DPP10: variants seen among roughly 807,000 people sequenced by gnomAD.
DPP10 encodes the protein inactive dipeptidyl peptidase 10.
A neutral mutation model predicts 120.9 loss-of-function variants in DPP10; 33 were observed. That is an observed-to-expected ratio of 0.27 (90% confidence interval 0.21 to 0.37). The LOEUF is 0.37. Among genes scored for constraint, DPP10 ranks in the 10% least tolerant of loss-of-function variants. The pLI is 1.00. For synonymous variants in DPP10, 337 were observed against 326.1 expected (o/e 1.03, Z -0.36); for missense variants, 816 against 942.8 (o/e 0.87, Z 1.76).
rs570063164 is a variant in DPP10 at position 114,461,296 on chromosome 2, T to C, written c.60+18458T>C. ...ACAGCCCCCAGTTTCTTAATGAGCT[T>C]GCCTCATTGCTGAGTGAGCAAAACA... is the stretch of plus-strand genomic sequence containing the variant. On this transcript the variant is annotated intron_variant, in intron 1 of 25. Transcript: ENST00000410059. Among the ~76,000 whole-genome samples the C allele has an allele frequency of 5.9e-5, 9 of 152,320 alleles. No homozygotes were observed. In the South Asian group the frequency reaches 1.9e-3, roughly 32 times the overall value.
At chr2:114,547,672 C>T (rs1336520388) in intron 1 of DPP10, among the ~76,000 whole-genome samples, 2 of 152,146 alleles carry the variant, frequency 1.3e-5, no homozygotes, top group Admixed American at 1.3e-4. Flanking sequence ...TGGATGTGTA[C>T]TTATGCATAT....
intron 1 of DPP10, among the ~76,000 whole-genome samples, chr2:115,258,499 T>C (rs2059107445): frequency 1.3e-5 from 2 of 152,184 alleles, no homozygotes; most frequent in Middle Eastern, 3.4e-3. Flanking sequence ...AAAAAATCTT[T>C]AAAATGTTGT....
At chr2:115,230,772 A>G (rs75357605) in intron 1 of DPP10, among the ~76,000 whole-genome samples, 2,338 of 152,148 alleles carry the variant, frequency 0.015, 57 homozygotes, top group African/African-American at 0.053. Flanking sequence ...ATTGGAAACA[A>G]CAGACACGTA....
intron 1 of DPP10, among the ~76,000 whole-genome samples, chr2:114,793,793 C>G (rs1017123699): frequency 1.6e-4 from 24 of 152,132 alleles, no homozygotes; most frequent in Admixed American, 1.2e-3. Context: ...ACCATGTTGA[C>G]CCCCTCATTC....
intron 3 of DPP10, among the ~76,000 whole-genome samples, chr2:115,439,628 G>A (rs570070191): frequency 6.6e-6 from 1 of 152,242 alleles, no homozygotes; most frequent in South Asian, 2.1e-4. Flanking sequence ...TAGGTTATTT[G>A]GAGCTGAAGA....
At chr2:115,111,323 T>C (rs1487047068) in intron 1 of DPP10, among the ~76,000 whole-genome samples, 1 of 152,022 alleles carries the variant, frequency 6.6e-6, no homozygotes, top group African/African-American at 2.4e-5. Context: ...CAAAGATTTG[T>C]GTTCAGGAAA....
intron 1 of DPP10, among the ~76,000 whole-genome samples, chr2:115,286,497 T>TATATTAC (rs1214243875): frequency 0.023 from 1,761 of 78,146 alleles, 110 homozygotes; most frequent in East Asian, 0.11. Context: ...ATATAATATA[T>TATATTAC]ATATATTACA....
At chr2:114,899,832 T>C (rs931413207) in intron 1 of DPP10, among the ~76,000 whole-genome samples, 8 of 151,256 alleles carry the variant, frequency 5.3e-5, no homozygotes, top group Non-Finnish European at 1.0e-4. Context: ...TGGTGGCGGG[T>C]GCCTGTGGTC....
intron 3 of DPP10, among the ~76,000 whole-genome samples, chr2:115,483,214 C>A (rs1189112633): frequency 6.6e-6 from 1 of 151,970 alleles, no homozygotes; most frequent in Non-Finnish European, 1.5e-5. Context: ...GTGGAAGGTA[C>A]TTCATTTTTA....
At chr2:114,880,380 C>T (rs1242714676) in intron 1 of DPP10, among the ~76,000 whole-genome samples, 2 of 152,118 alleles carry the variant, frequency 1.3e-5, no homozygotes, top group Non-Finnish European at 2.9e-5. Context: ...AAAAAATATT[C>T]ATTAACAAAG....
intron 5 of DPP10, among the ~76,000 whole-genome samples, chr2:115,598,983 A>G (rs1575293425): frequency 6.6e-6 from 1 of 151,982 alleles, no homozygotes; most frequent in South Asian, 2.1e-4. Flanking sequence ...TTACCTCTGT[A>G]AAGGTTTCTT....
At chr2:115,066,568 T>C (rs1002696931) in intron 1 of DPP10, 3 of 152,124 alleles carry the variant, frequency 2.0e-5, no homozygotes, top group African/African-American at 7.2e-5. Flanking sequence ...TGTAAAGCAA[T>C]GGTAACAACA....
At chr2:115,488,880 T>TAAAAAAA (rs35020299) in intron 3 of DPP10, among the ~76,000 whole-genome samples, 33 of 126,278 alleles carry the variant, frequency 2.6e-4, no homozygotes, top group East Asian at 4.4e-4. Context: ...TAGAGTATAA[T>TAAAAAAA]AAAAAAAAAA....
chr2:115,169,603 G>A (rs1259840906), intron 1 of DPP10, among the ~76,000 whole-genome samples: 1 of 152,130 alleles, frequency 6.6e-6, no homozygotes, highest in Non-Finnish European at 1.5e-5. Flanking sequence ...TGTTTGATAT[G>A]TTCATGGTTT....
intron 5 of DPP10, among the ~76,000 whole-genome samples, chr2:115,634,783 A>C (rs988333106): frequency 6.6e-6 from 1 of 152,138 alleles, no homozygotes; most frequent in Non-Finnish European, 1.5e-5. Flanking sequence ...ACTTGTCTAG[A>C]CTGCCCAGAT....
chr2:114,714,262 C>A (rs1051891433), intron 1 of DPP10, among the ~76,000 whole-genome samples: 2 of 151,894 alleles, frequency 1.3e-5, no homozygotes, highest in East Asian at 3.9e-4. Flanking sequence ...ATAGTGGCAG[C>A]CAAAGTTTTT....
Position 115,734,302 on chromosome 2 carries a change from A to C in DPP10, c.698-5437A>C, listed in dbSNP as rs904079986. On this transcript the variant is annotated intron_variant, in intron 8 of 25. Transcript: ENST00000410059. ...CTACGACAGAACCTGTTTCTTAGAA[A>C]TCTAGAGTATTGATTTTAGCCAACG... Among the ~76,000 whole-genome samples, 3 of 152,156 alleles carry C rather than the reference A, an allele frequency of 2.0e-5. No individual in the cohort carries two copies. In the East Asian group the frequency reaches 5.8e-4, roughly 29 times the overall value.
chr2:114,781,342 C>G (rs1189861088), intron 1 of DPP10, among the ~76,000 whole-genome samples: 2 of 152,132 alleles, frequency 1.3e-5, no homozygotes, highest in Non-Finnish European at 2.9e-5. Flanking sequence ...TCTCCAAATA[C>G]TTGAACATTT....
chr2:115,583,828 G>A (rs1416596307), intron 5 of DPP10, among the ~76,000 whole-genome samples: 4 of 152,166 alleles, frequency 2.6e-5, no homozygotes, highest in Non-Finnish European at 5.9e-5. Flanking sequence ...TAAGCATGCT[G>A]GTATCTGATC....
Sources: gnomAD v4.1 joint callset for allele counts (sites outside exome capture counted in the v4.1 genomes callset) on GRCh38, gnomAD v4.1.1 for gene constraint, MANE v1.5 for transcripts, NCBI Gene and HGNC (gene_info 2026-07-23, HGNC 2026-07-21) for gene names.